SBF1: variants seen among roughly 807,000 people sequenced by gnomAD.
SBF1 encodes SET binding factor 1, also known as myotubularin-related protein 5.
Under a neutral mutation model 215.8 loss-of-function variants are expected in SBF1, and 65 were observed. The observed-to-expected ratio is 0.30, with a 90% CI of 0.25 to 0.37. SBF1 has a LOEUF of 0.37. SBF1 is among the 10% of genes least tolerant of loss of function. The pLI is 1.00. For synonymous variants in SBF1, 1,410 were observed against 1,122.8 expected, an observed-to-expected ratio of 1.26 and a Z score of -5.11; for missense variants, 2,634 against 2,667.8, an observed-to-expected ratio of 0.99 and a Z score of 0.28.
rs749529527 is a variant in SBF1, at chr22:50,462,663, C to T, written c.2023G>A (p.Val675Met). The change falls in exon 18 of 41, where the codon GTG becomes ATG. Residue 675 changes from valine (V) to methionine (M), a missense_variant. Coordinates refer to ENST00000380817, the MANE Select transcript of SBF1 (RefSeq NM_002972.4). ...TCCCAGAACTGTGGCGTGCTCCACA[C>T]CACGTGCTCCTGCACACAGCTGTAT... ...FAYSCVQEHV[V>M]WSTPQFWEAM... 3.1e-6 allele frequency: 5 copies of T among 1,612,612 alleles called. No individual in the cohort carries two copies. The highest frequency in any genetic ancestry group is 4.2e-6 in the Non-Finnish European group (5 of 1,179,676).
chr22:50,450,189 A>C (rs2066993067), intron 36 of SBF1, among the ~76,000 whole-genome samples: 1 of 152,240 alleles, frequency 6.6e-6, no homozygotes, highest in Admixed American at 6.5e-5. Flanking sequence ...GTGCAAAGCA[A>C]GATGTCACAA....
At chr22:50,472,008 T>C (rs923392403) in intron 1 of SBF1, among the ~76,000 whole-genome samples, 6 of 152,206 alleles carry the variant, frequency 3.9e-5, no homozygotes, top group African/African-American at 1.4e-4. Flanking sequence ...AGATCAAATG[T>C]GTCTCCTGTT....
rs371896005 is a variant in SBF1 at position 50,454,857 on chromosome 22, G to A, written c.4769C>T (p.Thr1590Met). The A allele has an allele frequency of 1.8e-5, 29 of 1,613,902 alleles. No individual in the cohort carries two copies. The highest frequency in any genetic ancestry group is 4.5e-5 in the East Asian group (2 of 44,894). Residue 1590 changes from threonine (T) to methionine (M), a missense_variant, in exon 35 of 41, where the codon ACG (threonine) becomes ATG (methionine). Physicochemically the swap from Thr to Met is moderately conservative, Grantham distance 81 (BLOSUM62 -1). Coordinates refer to ENST00000380817, the MANE Select transcript of SBF1 (RefSeq NM_002972.4). ...ATACATGTAATTGTGGAACACAGGC[G>A]TCCTCTTGCTCAGCCGGTCCACATA... ...WEYVDRLSKR[T>M]PVFHNYMYAP...
At chr22:50,470,044 G>A (rs2067940949) in intron 1 of SBF1, among the ~76,000 whole-genome samples, 1 of 151,812 alleles carries the variant, frequency 6.6e-6, no homozygotes, top group East Asian at 1.9e-4. Flanking sequence ...ACGGGTGGGG[G>A]CCCAGGTGTC....
chr22:50,457,021 C>A lies in SBF1; in HGVS notation c.3904+13G>T, dbSNP rs748348068. ...GTAAGGGGAGGCGGGCCTGCGCAGGCTCGGTACGGTACCTCGGGGTGCGGT... is the reference window on the plus strand; with the variant it reads ...GTAAGGGGAGGCGGGCCTGCGCAGGATCGGTACGGTACCTCGGGGTGCGGT... On this transcript the variant is annotated intron_variant, in intron 29 of 40. Transcript: ENST00000380817. 10 of 1,421,796 alleles carry A rather than the reference C, an allele frequency of 7.0e-6. No homozygotes were observed. Among genetic ancestry groups the A allele is most frequent in the Non-Finnish European group, 9.2e-6 (10 of 1,088,502 alleles). The allele number at this position is 1,421,796 out of a possible 1,614,324, so 88.1% of individuals were successfully genotyped here. A position where few individuals can be genotyped will look rare whatever the true frequency, so the allele number is the denominator to read the frequency against.
chr22:50,474,958 T>G lies in SBF1; in HGVS notation c.-118A>C, dbSNP rs2068125650. 1.0e-5 allele frequency: 6 copies of G among 600,124 alleles called. No homozygotes were observed. The highest frequency in any genetic ancestry group is 1.3e-5 in the Non-Finnish European group (6 of 464,164). The allele number at this position is 600,124 out of a possible 1,614,324, so 37.2% of individuals were successfully genotyped here. ...GACCGCGCACCCCGGACACCCCTGG[T>G]TCGCTCCGCGGCGGCGGCGGCGGCG... is the stretch of plus-strand genomic sequence containing the variant. On this transcript the variant is annotated 5_prime_UTR_variant, in exon 1 of 41. Transcript: ENST00000380817.
Position 50,459,235 on chromosome 22 carries a change from C to G in SBF1, c.3826+20G>C. ...CCCCAAAGTGCCCCTGCCCCACCGT[C>G]TGCCCACAAGCACCCTCACCGTGAC... On this transcript the variant is annotated intron_variant, in intron 28 of 40. Coordinates refer to ENST00000380817, the MANE Select transcript of SBF1 (RefSeq NM_002972.4). 2 of 1,585,742 alleles carry G rather than the reference C, an allele frequency of 1.3e-6. No individual in the cohort carries two copies. The highest frequency in any genetic ancestry group is 1.7e-6 in the Non-Finnish European group (2 of 1,159,306).
rs1446214984 is a variant in SBF1, at chr22:50,465,835, C to T, written c.1017G>A (p.Leu339=). 4 of 1,612,732 alleles carry T rather than the reference C, an allele frequency of 2.5e-6. No individual in the cohort carries two copies. The highest frequency in any genetic ancestry group is 1.3e-5 in the African/African-American group (1 of 74,908). Residue 339 remains leucine (L), a synonymous_variant, in exon 10 of 41, where the codon CTG becomes CTA. Transcript: ENST00000380817. ...SQTHSVLSMV[L]DPELELADLA... ...GGTCAGCCAACTCCAGCTCCGGGTC[C>T]AGGACCTGCCAGCACAGAATGGAGC...
intron 1 of SBF1, among the ~76,000 whole-genome samples, chr22:50,469,235 CCT>C (rs1334441181): frequency 1.3e-5 from 2 of 152,194 alleles, no homozygotes; most frequent in African/African-American, 2.4e-5. Context: ...AGGCCTGCTC[CCT>C]GTCTCCAAAT....
chr22:50,462,292 G>A lies in SBF1; in HGVS notation c.2309C>T (p.Pro770Leu), dbSNP rs1182027392. The A allele has an allele frequency of 8.7e-6, 14 of 1,613,380 alleles. No homozygotes were observed. Among genetic ancestry groups the A allele is most frequent in the Non-Finnish European group, 1.1e-5 (13 of 1,180,016 alleles). Residue 770 changes from proline to leucine, a missense_variant, in exon 19 of 41, where the codon CCC becomes CTC. Transcript: ENST00000380817. ...YANRMSYLLL[P>L]LDSSKSRLLR... ...TAGGCGGCTCTTGCTGCTGTCCAGG[G>A]GCAGGAGGAGGTAGCTCATGCGGTT...
chr22:50,456,164 A>C (rs1305199802), intron 31 of SBF1, 52 bp downstream of exon 31: 2 of 1,583,774 alleles, frequency 1.3e-6, no homozygotes, highest in African/African-American at 2.7e-5. Flanking sequence ...GGCTCTACCC[A>C]AGGGGAGGGC....
At position 50,463,313 on chromosome 22, in the gene SBF1, A is replaced by G; in HGVS notation, c.1869T>C (p.Phe623=). Residue 623 remains phenylalanine (F), a synonymous_variant, in exon 16 of 41, where the codon TTT becomes TTC. Transcript: ENST00000380817. The part of the protein sequence containing the change: ...RAVLDHQQFD[F]VVRMMNCCLQ... ...GGCAGCAGTTCATCATACGGACGAC[A>G]AAGTCAAACTGCTGGTGGTCCAGGA... 4 of 1,613,490 alleles carry G rather than the reference A, an allele frequency of 2.5e-6. No homozygotes were observed. The highest frequency in any genetic ancestry group is 3.4e-6 in the Non-Finnish European group (4 of 1,179,812).
intron 36 of SBF1, among the ~76,000 whole-genome samples, chr22:50,452,680 C>T (rs2067090734): frequency 6.9e-6 from 1 of 144,916 alleles, no homozygotes; most frequent in Non-Finnish European, 1.5e-5. Flanking sequence ...CGAGATCGCA[C>T]CACCGCTCTC....
rs759260765 is a variant in SBF1 at position 50,456,266 on chromosome 22, T to C, written c.4216A>G (p.Ser1406Gly). The C allele has an allele frequency of 2.5e-6, 4 of 1,612,732 alleles. No homozygotes were observed. The Admixed American group carries it at 6.7e-5, about 27-fold the overall frequency. Reference protein sequence around the residue: ...CVPGCPAAEPSPASFLRSLED... With the variant: ...CVPGCPAAEPGPASFLRSLED... ...AGTGAGCGCAGGAAGGAGGCTGGGCTGGGCTCAGCAGCGGGGCAGCCTGGG... is the reference window on the plus strand; with the variant it reads ...AGTGAGCGCAGGAAGGAGGCTGGGCCGGGCTCAGCAGCGGGGCAGCCTGGG... Residue 1406 changes from serine (S) to glycine (G), a missense_variant, in exon 31 of 41, where the codon AGC (serine) becomes GGC (glycine). Ser to Gly is a moderately conservative substitution (Grantham distance 56). Transcript: ENST00000380817.
chr22:50,447,860 GA>G, intron 38 of SBF1, among the ~76,000 whole-genome samples: 1 of 152,328 alleles, frequency 6.6e-6, no homozygotes, highest in Non-Finnish European at 1.5e-5. Context: ...AGACTCCAGG[GA>G]GCATCCCCAC....
rs536242086 is a variant in SBF1 at position 50,448,430 on chromosome 22, G to C, written c.5166C>G (p.Ser1722=). The C allele has an allele frequency of 6.2e-7, 1 of 1,613,612 alleles. No homozygotes were observed. The highest frequency in any genetic ancestry group is 8.5e-7 in the Non-Finnish European group (1 of 1,179,936). The change falls in exon 38 of 41, where the codon TCC becomes TCG. Residue 1722 remains serine (S), a synonymous_variant. Coordinates refer to ENST00000380817, the MANE Select transcript of SBF1 (RefSeq NM_002972.4). ...GGTGGGGTGCGGTGGACACAAGGAG[G>C]GAGCTAGGGGTGCCCTGGGAACAGG... The part of the protein sequence containing the change: ...GRPDGRGTPS[S]LLVSTAPHHR...
intron 13 of SBF1, 27 bp downstream of exon 13, chr22:50,464,792 C>CGAT: frequency 6.2e-7 from 1 of 1,612,308 alleles, no homozygotes; most frequent in African/African-American, 1.3e-5. Context: ...GGCGGTACGA[C>CGAT]GCCCTCCCGT....
Position 50,462,582 on chromosome 22 carries a change from T to C in SBF1, c.2104A>G (p.Thr702Ala). Residue 702 changes from threonine (T) to alanine (A), a missense_variant, in exon 18 of 41, where the codon ACG becomes GCG. Coordinates refer to ENST00000380817, the MANE Select transcript of SBF1 (RefSeq NM_002972.4). ...THIRALYLEP[T>A]EDLAPAQEVG... ...ACCTGGGCGGGGGCCAGGTCCTCCG[T>C]GGGCTCCAGGTAGAGGGCCCGGATG... is the stretch of plus-strand genomic sequence containing the variant. 6.2e-7 allele frequency: 1 copy of C among 1,612,184 alleles called. No homozygotes were observed. The highest frequency in any genetic ancestry group is 8.5e-7 in the Non-Finnish European group (1 of 1,179,672).
chr22:50,456,888 C>T, intron 29 of SBF1, 146 bp downstream of exon 29: 1 of 752,500 alleles, frequency 1.3e-6, no homozygotes, highest in Non-Finnish European at 2.0e-6. Context: ...ACTCACGGGT[C>T]AGGGAGGTAA....
Sources: allele counts gnomAD v4.1 joint callset (sites outside exome capture counted in the v4.1 genomes callset), GRCh38; gene constraint gnomAD v4.1.1; transcripts MANE v1.5; gene names NCBI Gene and HGNC (gene_info 2026-07-23, HGNC 2026-07-21).